Variants in ACBD6 observed in about 807,000 individuals in gnomAD.
ACBD6 encodes acyl-CoA-binding domain-containing protein 6.
A neutral mutation model predicts 37.2 loss-of-function variants in ACBD6; 28 were observed. The observed-to-expected ratio is 0.75, with a 90% CI of 0.56 to 1.03. ACBD6 has a LOEUF of 1.03. Ranked by LOEUF, ACBD6 falls within the 50% of genes least tolerant of loss-of-function variation. ACBD6 has a pLI of 0.00. For missense variants in ACBD6, 340 were observed against 337.4 expected (o/e 1.01, Z -0.06); for synonymous variants, 113 against 126.8 (o/e 0.89, Z 0.73).
intron 1 of ACBD6, among the ~76,000 whole-genome samples, chr1:180,496,767 T>C (rs1359997841): frequency 6.6e-6 from 1 of 152,148 alleles, no homozygotes; most frequent in Non-Finnish European, 1.5e-5. Flanking sequence ...AGCCCTGTTA[T>C]GATGGAATAG....
intron 6 of ACBD6, among the ~76,000 whole-genome samples, chr1:180,338,684 T>G (rs939831221): frequency 1.6e-4 from 25 of 152,184 alleles, no homozygotes; most frequent in African/African-American, 5.8e-4. Flanking sequence ...AAATGGGATC[T>G]AATTAAAAAC....
At chr1:180,436,410 A>G (rs1447116733) in intron 3 of ACBD6, among the ~76,000 whole-genome samples, 1 of 152,188 alleles carries the variant, frequency 6.6e-6, no homozygotes, top group African/African-American at 2.4e-5. Context: ...ACCCCAGTTC[A>G]TCGTCACCTC....
rs148731563 is a variant in ACBD6 at position 180,449,705 on chromosome 1, T to C, written c.385-19443A>G. On this transcript the variant is annotated intron_variant, in intron 3 of 7. Transcript: ENST00000367595. The stretch of plus-strand genomic sequence containing the variant: ...GCATGTTCTCACTCATAGGTGGGAA[T>C]TGAACAATGATAACACTTGGACACA... 8.2e-3 allele frequency among the ~76,000 whole-genome samples: 1,252 copies of C among 151,894 alleles called. 11 individuals carry two copies. Among genetic ancestry groups the C allele is most frequent in the East Asian group, 0.016 (85 of 5,160 alleles).
intron 6 of ACBD6, among the ~76,000 whole-genome samples, chr1:180,372,883 G>A (rs552639189): frequency 2.6e-5 from 4 of 152,228 alleles, no homozygotes. Flanking sequence ...GTCACTATAA[G>A]CTACTTGTAT....
chr1:180,403,002 G>A (rs1647444032), intron 5 of ACBD6, among the ~76,000 whole-genome samples: 1 of 152,112 alleles, frequency 6.6e-6, no homozygotes, highest in Non-Finnish European at 1.5e-5. Context: ...AACATATTCA[G>A]CAGTATAAAA....
chr1:180,359,728 T>G (rs190215443), intron 6 of ACBD6, among the ~76,000 whole-genome samples: 1 of 152,322 alleles, frequency 6.6e-6, no homozygotes, highest in Admixed American at 6.5e-5. Context: ...GCTTTGCTGT[T>G]ATGACTTTTA....
chr1:180,305,296 C>T (rs1449480077), intron 7 of ACBD6, among the ~76,000 whole-genome samples: 3 of 152,092 alleles, frequency 2.0e-5, no homozygotes, highest in Non-Finnish European at 4.4e-5. Flanking sequence ...AAGAAACTAC[C>T]ATCAGAGTGA....
intron 6 of ACBD6, among the ~76,000 whole-genome samples, chr1:180,395,634 C>T (rs1415769607): frequency 6.6e-6 from 1 of 152,002 alleles, no homozygotes. Flanking sequence ...TGTCTATTGT[C>T]AAAAGCACAG....
At chr1:180,427,568 C>T (rs763498010) in intron 4 of ACBD6, among the ~76,000 whole-genome samples, 3 of 152,118 alleles carry the variant, frequency 2.0e-5, no homozygotes, top group Non-Finnish European at 4.4e-5. Context: ...CATTCTGATA[C>T]GTAAGAAACC....
rs182750980 is a variant in ACBD6, at chr1:180,393,894, G to C, written c.663+3622C>G. 9.3e-4 allele frequency among the ~76,000 whole-genome samples: 142 copies of C among 152,276 alleles called. 1 individual carries two copies. Among genetic ancestry groups the C allele is most frequent in the African/African-American group, 3.2e-3 (132 of 41,558 alleles). On this transcript the variant is annotated intron_variant, in intron 6 of 7. Transcript: ENST00000367595. ...CAGATCCGTCCTAAAAACCTACACG[G>C]AACTTTTACTTTGCATTAAAGCTTA...
intron 4 of ACBD6, among the ~76,000 whole-genome samples, chr1:180,424,130 C>G (rs2101988690): frequency 6.6e-6 from 1 of 152,222 alleles, no homozygotes; most frequent in South Asian, 2.1e-4. Flanking sequence ...TCAAACATTT[C>G]CAGAGCCAGC....
chr1:180,302,397 C>T (rs1023279446), intron 7 of ACBD6, among the ~76,000 whole-genome samples: 2 of 151,694 alleles, frequency 1.3e-5, no homozygotes, highest in Admixed American at 6.6e-5. Flanking sequence ...AATCTGGGTG[C>T]TCCTGTATTG....
chr1:180,360,048 G>A (rs867582796), intron 6 of ACBD6, among the ~76,000 whole-genome samples: 2 of 152,142 alleles, frequency 1.3e-5, no homozygotes, highest in South Asian at 4.1e-4. Context: ...CATAGATAAA[G>A]GCAGAAGTTT....
At chr1:180,336,495 T>C (rs1156843145) in intron 6 of ACBD6, among the ~76,000 whole-genome samples, 1 of 150,612 alleles carries the variant, frequency 6.6e-6, no homozygotes, top group Non-Finnish European at 1.5e-5. Flanking sequence ...CCAGAATCTC[T>C]GGGACACATT....
chr1:180,391,590 A>G (rs1051858300), intron 6 of ACBD6, among the ~76,000 whole-genome samples: 10 of 152,170 alleles, frequency 6.6e-5, no homozygotes, highest in African/African-American at 1.9e-4. Flanking sequence ...TGAAAATCAA[A>G]ACCACAGTGA....
At chr1:180,362,465 T>C (rs1189343211) in intron 6 of ACBD6, among the ~76,000 whole-genome samples, 3 of 152,218 alleles carry the variant, frequency 2.0e-5, no homozygotes, top group Non-Finnish European at 4.4e-5. Flanking sequence ...ATGACTGTTT[T>C]GTCATGTAAC....
chr1:180,464,841 T>C (rs988793245), intron 3 of ACBD6, among the ~76,000 whole-genome samples: 10 of 152,122 alleles, frequency 6.6e-5, no homozygotes, highest in African/African-American at 2.4e-4. Context: ...AACAGGCATA[T>C]AGACCAATGG....
At chr1:180,448,053 A>G (rs1200613143) in intron 3 of ACBD6, among the ~76,000 whole-genome samples, 1 of 152,178 alleles carries the variant, frequency 6.6e-6, no homozygotes, top group Non-Finnish European at 1.5e-5. Context: ...AATTTGCAAA[A>G]TGCAAATTAA....
At chr1:180,338,217 T>C (rs1462841510) in intron 6 of ACBD6, among the ~76,000 whole-genome samples, 1 of 152,194 alleles carries the variant, frequency 6.6e-6, no homozygotes, top group Non-Finnish European at 1.5e-5. Context: ...AGAGCCCACA[T>C]TGCCAAGTCA....
Sources: gnomAD v4.1 joint callset for allele counts (sites outside exome capture counted in the v4.1 genomes callset) on GRCh38, gnomAD v4.1.1 for gene constraint, MANE v1.5 for transcripts, NCBI Gene and HGNC (gene_info 2026-07-23, HGNC 2026-07-21) for gene names.